Variants in PBX1 observed in about 807,000 individuals in gnomAD.
PBX1 encodes pre-B-cell leukemia transcription factor 1.
Under a neutral mutation model 53.4 loss-of-function variants are expected in PBX1, and 6 were observed. The observed-to-expected ratio is 0.11, with a 90% CI of 0.06 to 0.22. The LOEUF is 0.22. PBX1 is among the 10% of genes least tolerant of loss of function. PBX1 has a pLI of 1.00. For missense variants in PBX1, 251 were observed against 551.4 expected (o/e 0.46, Z 5.46); for synonymous variants, 204 against 212.3 (o/e 0.96, Z 0.34).
intron 2 of PBX1, among the ~76,000 whole-genome samples, chr1:164,663,426 A>G (rs1032871494): frequency 2.6e-5 from 4 of 152,182 alleles, no homozygotes; most frequent in African/African-American, 9.6e-5. Context: ...CTATGGTACA[A>G]CATGATGTAG....
chr1:164,816,232 T>C (rs1213138004), intron 6 of PBX1: 1 of 152,188 alleles, frequency 6.6e-6, no homozygotes, highest in African/African-American at 2.4e-5. Context: ...TTTACTCTTT[T>C]GCTTTGTCCC....
rs58617739 is a variant in PBX1 at position 164,707,418 on chromosome 1, T to TGTGTGAGAGAGA, written c.266-85075_266-85074insTGTGAGAGAGAG. 2.4e-3 allele frequency among the ~76,000 whole-genome samples: 282 copies of TGTGTGAGAGAGA among 118,224 alleles called. 3 individuals are homozygous for TGTGTGAGAGAGA. Among genetic ancestry groups the TGTGTGAGAGAGA allele is most frequent in the African/African-American group, 0.01 (262 of 26,108 alleles). 77.6% of individuals were successfully genotyped at this position (118,224 alleles called of 152,430 possible). A position where few individuals can be genotyped will look rare whatever the true frequency, so the allele number is the denominator to read the frequency against. On this transcript the variant is annotated intron_variant, in intron 2 of 8. Transcript: ENST00000420696. ...AGGTGTGTGTGTGTGTGTGTGTGTG[T>TGTGTGAGAGAGA]GAGAGAGAGAGAGAGAGAGAGAGAG...
intron 8 of PBX1, among the ~76,000 whole-genome samples, chr1:164,842,475 A>G (rs1431840353): frequency 1.3e-5 from 2 of 152,162 alleles, no homozygotes; most frequent in Admixed American, 6.5e-5. Context: ...TTGTTTCCAA[A>G]TATCTTTGTG....
downstream of PBX1, chr1:164,854,354 T>TTA (rs1553254580): frequency 2.0e-5 from 3 of 151,922 alleles, no homozygotes; most frequent in African/African-American, 7.3e-5. Context: ...AATTTTTTTT[T>TTA]AAAACATGCA....
At chr1:164,784,124 C>CCCTGGT (rs1301859246) in intron 2 of PBX1, among the ~76,000 whole-genome samples, 1 of 152,190 alleles carries the variant, frequency 6.6e-6, no homozygotes, top group African/African-American at 2.4e-5. Flanking sequence ...CCTTCCCTGG[C>CCCTGGT]CCTGGTCCTG....
intron 2 of PBX1, among the ~76,000 whole-genome samples, chr1:164,857,875 G>A (rs370587656): frequency 1.9e-3 from 295 of 152,296 alleles, no homozygotes; most frequent in African/African-American, 7.0e-3. Context: ...AGGATTAAGT[G>A]AGTTAATATA....
chr1:164,845,916 A>T (rs1671549294), intron 8 of PBX1, among the ~76,000 whole-genome samples: 1 of 152,162 alleles, frequency 6.6e-6, no homozygotes, highest in Admixed American at 6.5e-5. Flanking sequence ...GTATTTCCTG[A>T]TGTTGCAACA....
intron 2 of PBX1, among the ~76,000 whole-genome samples, chr1:164,565,267 T>C (rs1653352188): frequency 2.0e-5 from 3 of 152,176 alleles, no homozygotes; most frequent in African/African-American, 7.2e-5. Context: ...AAAAGTTTTG[T>C]ATTTTAAATT....
chr1:164,577,085 G>C (rs1270017127), intron 2 of PBX1: 2 of 152,162 alleles, frequency 1.3e-5, no homozygotes, highest in African/African-American at 4.8e-5. Flanking sequence ...AGCTGTATTC[G>C]ATAAATATTC....
At position 164,848,292 on chromosome 1, in the gene PBX1, A is replaced by G; in HGVS notation, c.*1616A>G. 2.8e-6 allele frequency: 3 copies of G among 1,056,706 alleles called. No individual in the cohort carries two copies. The highest frequency in any genetic ancestry group is 3.4e-6 in the Non-Finnish European group (3 of 873,978). 65.5% of individuals were successfully genotyped at this position (1,056,706 alleles called of 1,614,324 possible). ...ATAGCCAACCCTACCAGTTATAAAG[A>G]TGGCAGCTCTATCACTTGATTAAGT... is the stretch of plus-strand genomic sequence containing the variant. On this transcript the variant is annotated 3_prime_UTR_variant, in exon 9 of 9. Coordinates refer to ENST00000420696, the MANE Select transcript of PBX1 (RefSeq NM_002585.4).
At chr1:164,695,584 T>A (rs1662758353) in intron 2 of PBX1, among the ~76,000 whole-genome samples, 1 of 152,216 alleles carries the variant, frequency 6.6e-6, no homozygotes. Context: ...CCACTTTGCC[T>A]TGTATATTCC....
At chr1:164,829,076 CCAGTACCAGGAATACA>C (rs1321189702) in intron 8 of PBX1, 1 of 152,132 alleles carries the variant, frequency 6.6e-6, no homozygotes, top group Non-Finnish European at 1.5e-5. Flanking sequence ...CTTCTAATTT[CCAGTACCAGGAATACA>C]CACATCAATA....
intron 2 of PBX1, among the ~76,000 whole-genome samples, chr1:164,871,766 G>A (rs990254927): frequency 6.6e-6 from 1 of 152,126 alleles, no homozygotes; most frequent in Non-Finnish European, 1.5e-5. Context: ...GTTTGTCATC[G>A]AGGCCCCAAA....
chr1:164,642,517 A>G (rs1200326255), intron 2 of PBX1, among the ~76,000 whole-genome samples: 10 of 152,194 alleles, frequency 6.6e-5, no homozygotes. Context: ...TTGTCAGGGT[A>G]GTTCCTAAGG....
intron 2 of PBX1, among the ~76,000 whole-genome samples, chr1:164,699,470 C>T (rs1662980277): frequency 6.6e-6 from 1 of 152,046 alleles, no homozygotes; most frequent in South Asian, 2.1e-4. Flanking sequence ...TGGACTCCTG[C>T]TCCAGAAAAG....
At chr1:164,595,104 A>C (rs927870518) in intron 2 of PBX1, among the ~76,000 whole-genome samples, 1 of 152,232 alleles carries the variant, frequency 6.6e-6, no homozygotes, top group African/African-American at 2.4e-5. Flanking sequence ...AGACAGTACC[A>C]CGTCTGAACC....
intron 2 of PBX1, among the ~76,000 whole-genome samples, chr1:164,773,243 G>GCACACACACACACACACA (rs60518864): frequency 0.027 from 4,037 of 147,588 alleles, 75 homozygotes; most frequent in Middle Eastern, 0.056. Context: ...GGTAACACGC[G>GCACACACACACACACACA]CACACACACA....
In PBX1 at chr1:164,820,850, T is replaced by A. The variant is rs1670114787; in HGVS notation, c.1110+666T>A. ...TGAAACATGTTGTGAGAGGGTAAAG[T>A]AGTATGCTGTGGGTCAGAATTACTA... On this transcript the variant is annotated intron_variant, in intron 7 of 8. Transcript: ENST00000420696. Among the ~76,000 whole-genome samples the A allele has an allele frequency of 2.0e-5, 3 of 152,254 alleles. No individual in the cohort carries two copies. In the South Asian group the frequency reaches 6.2e-4, roughly 32 times the overall value.
chr1:164,562,008 T>G (rs1653087828), intron 1 of PBX1, among the ~76,000 whole-genome samples: 6 of 152,184 alleles, frequency 3.9e-5, no homozygotes, highest in Admixed American at 3.3e-4. Context: ...GCTTTCTTTT[T>G]GGATAAACAA....
Sources: allele counts gnomAD v4.1 joint callset (sites outside exome capture counted in the v4.1 genomes callset), GRCh38; gene constraint gnomAD v4.1.1; transcripts MANE v1.5; gene names NCBI Gene and HGNC (gene_info 2026-07-23, HGNC 2026-07-21).